FAM53A: variants seen among roughly 807,000 people sequenced by gnomAD.
FAM53A encodes the protein family with sequence similarity 53 member A.
Under a neutral mutation model 26.6 loss-of-function variants are expected in FAM53A, and 28 were observed. The observed-to-expected ratio is 1.05, with a 90% confidence interval of 0.78 to 1.45. FAM53A has a LOEUF of 1.45. Ranked by LOEUF, FAM53A falls within the 40% of genes most tolerant of loss-of-function variation. FAM53A has a pLI of 0.00. For synonymous variants in FAM53A, 290 were observed against 253.1 expected, an observed-to-expected ratio of 1.15 and a Z score of -1.38; for missense variants, 650 against 575.8, an observed-to-expected ratio of 1.13 and a Z score of -1.32.
At chr4:1,642,422 C>T (rs55889674) in intron 4 of FAM53A, among the ~76,000 whole-genome samples, 1 of 151,952 alleles carries the variant, frequency 6.6e-6, no homozygotes, top group African/African-American at 2.4e-5. Context: ...GCCACCACCC[C>T]CTTCTCACTC....
chr4:1,654,973 C>T lies in FAM53A; in HGVS notation c.882+5G>A, dbSNP rs1307799998. On this transcript the variant is annotated splice_donor_5th_base_variant and intron_variant, in intron 4 of 4. Coordinates refer to ENST00000308132, the MANE Select transcript of FAM53A (RefSeq NM_001174070.3). ...TCTGAGCCCCTGGAAATAAGAAAGC[C>T]TCACCTGGGTCATTTTCAGGAAGTC... is the stretch of plus-strand genomic sequence containing the variant. The T allele has an allele frequency of 1.3e-6, 2 of 1,510,778 alleles. No homozygotes were observed. The highest frequency in any genetic ancestry group is 2.9e-5 in the African/African-American group (2 of 70,124). The allele number at this position is 1,510,778 out of a possible 1,614,324, so 93.6% of individuals were successfully genotyped here.
intron 1 of FAM53A, among the ~76,000 whole-genome samples, chr4:1,678,868 C>G (rs1279626734): frequency 6.6e-6 from 1 of 151,830 alleles, no homozygotes; most frequent in Non-Finnish European, 1.5e-5. Flanking sequence ...AAAACTAACT[C>G]AAAATGGATC....
intron 1 of FAM53A, among the ~76,000 whole-genome samples, chr4:1,680,175 C>A (rs1715321708): frequency 6.6e-6 from 1 of 151,452 alleles, no homozygotes; most frequent in Admixed American, 6.6e-5. Flanking sequence ...CAAAATTAGC[C>A]GGGCATGGTG....
rs555520816 is a variant in FAM53A, at chr4:1,651,109, C to T, written c.882+3869G>A. 4.9e-3 allele frequency among the ~76,000 whole-genome samples: 738 copies of T among 151,126 alleles called. 4 individuals carry two copies. Among genetic ancestry groups the T allele is most frequent in the Non-Finnish European group, 5.9e-3 (401 of 67,854 alleles). The stretch of plus-strand genomic sequence containing the variant: ...GTGGGCACCTATAATCCCAGCTACT[C>T]GGGAAGCTGAGGCAGGAGAATCCCT... On this transcript the variant is annotated intron_variant, in intron 4 of 4. Transcript: ENST00000308132.
At chr4:1,676,035 G>C (rs1438844437) in intron 1 of FAM53A, among the ~76,000 whole-genome samples, 2 of 152,262 alleles carry the variant, frequency 1.3e-5, no homozygotes, top group Admixed American at 1.3e-4. Context: ...CACCAAAGCA[G>C]GTTCGATTTT....
intron 1 of FAM53A, among the ~76,000 whole-genome samples, chr4:1,678,258 G>A (rs1391347599): frequency 6.6e-6 from 1 of 152,172 alleles, no homozygotes; most frequent in Non-Finnish European, 1.5e-5. Context: ...TGGGAGCACT[G>A]CTTCAGCCCG....
chr4:1,635,822 G>A (rs1252196798), downstream of FAM53A, among the ~76,000 whole-genome samples: 7 of 143,126 alleles, frequency 4.9e-5, no homozygotes, highest in Non-Finnish European at 1.1e-4. Flanking sequence ...GATAGGACCT[G>A]TATAATACTA....
Position 1,630,387 on chromosome 4 carries a change from A to G in FAM53A, c.432-12276T>C, listed in dbSNP as rs1028434579. ...ACAGCCACAGCCAAGGTCTACACAA[A>G]TGCACGTCGGGGAGTTCCCATCAAA... On this transcript the variant is annotated intron_variant, in intron 1 of 1. Transcript: ENST00000489029. The surrounding 1 kb of genome is among the most constrained non-coding windows in gnomAD (Gnocchi z 4.3). 4.6e-5 allele frequency among the ~76,000 whole-genome samples: 7 copies of G among 152,184 alleles called. No individual in the cohort carries two copies. Among genetic ancestry groups the G allele is most frequent in the Non-Finnish European group, 1.0e-4 (7 of 68,032 alleles).
chr4:1,675,180 T>C (rs1014237790), intron 1 of FAM53A, among the ~76,000 whole-genome samples: 1 of 152,028 alleles, frequency 6.6e-6, no homozygotes, highest in African/African-American at 2.4e-5. Context: ...GGGTTCCAGG[T>C]AGATGTAGAA....
chr4:1,671,046 CCCA>C, intron 1 of FAM53A, among the ~76,000 whole-genome samples: 1 of 150,684 alleles, frequency 6.6e-6, no homozygotes, highest in Non-Finnish European at 1.5e-5. Flanking sequence ...TCACCTCTGT[CCCA>C]GCGTCAGAGC....
chr4:1,619,908 A>G (rs1446788346), intron 1 of FAM53A, among the ~76,000 whole-genome samples: 3 of 152,066 alleles, frequency 2.0e-5, no homozygotes, highest in Non-Finnish European at 4.4e-5. Flanking sequence ...ATTTCCTTAT[A>G]CTTTATTAAA....
the FAM53A span, among the ~76,000 whole-genome samples, chr4:1,607,796 T>G: frequency 6.6e-6 from 1 of 152,072 alleles, no homozygotes; most frequent in African/African-American, 2.4e-5. Flanking sequence ...CAAAATTAGC[T>G]GGGCGTGGAG....
chr4:1,605,992 G>C, the FAM53A span, among the ~76,000 whole-genome samples: 1 of 151,976 alleles, frequency 6.6e-6, no homozygotes, highest in Non-Finnish European at 1.5e-5. This position sits in a 1 kb window ranked among gnomAD's most constrained non-coding sequence, Gnocchi z 5.7. Context: ...GGCCTAGCAG[G>C]GCCTGTGCCA....
In FAM53A at chr4:1,641,304, CG is replaced by C; in HGVS notation, c.1185del (p.Ile395MetfsTer29). The C allele has an allele frequency of 6.2e-7, 1 of 1,612,982 alleles. No homozygotes were observed. Among genetic ancestry groups the C allele is most frequent in the Non-Finnish European group, 8.5e-7 (1 of 1,179,878 alleles). ...RARWELDLEQ[I>X]ENN ...AGCCCCCACCAGCCTCAGTTGTTCTCGATCTGCTCCAGGTCCAGCTCCCAGC... is the reference window on the plus strand; with the variant it reads ...AGCCCCCACCAGCCTCAGTTGTTCTCATCTGCTCCAGGTCCAGCTCCCAGC... On this transcript the variant is annotated frameshift_variant, in exon 5 of 5. Coordinates refer to ENST00000308132, the MANE Select transcript of FAM53A (RefSeq NM_001174070.3). LOFTEE classifies it high-confidence loss of function.
At chr4:1,641,648 A>C (rs1320467219) in intron 4 of FAM53A, 41 bp from the exon 5 acceptor site, 1 of 1,604,842 alleles carries the variant, frequency 6.2e-7, no homozygotes, top group East Asian at 2.2e-5. Flanking sequence ...TTTCTAGCAG[A>C]TCACACAGGA....
chr4:1,683,337 T>C (rs1715585884), intron 1 of FAM53A: 1 of 152,206 alleles, frequency 6.6e-6, no homozygotes, highest in Non-Finnish European at 1.5e-5. Context: ...CAGGAGGGTG[T>C]TTAAAGCAGC....
the FAM53A span, among the ~76,000 whole-genome samples, chr4:1,611,113 C>T: frequency 6.6e-6 from 1 of 152,230 alleles, no homozygotes; most frequent in Non-Finnish European, 1.5e-5. Flanking sequence ...TCTGGGCCAC[C>T]CTGAGGTGCG....
intron 1 of FAM53A, among the ~76,000 whole-genome samples, chr4:1,622,885 C>A (rs1382041906): frequency 6.6e-6 from 1 of 152,214 alleles, no homozygotes; most frequent in Non-Finnish European, 1.5e-5. Flanking sequence ...TAAGTCAGCA[C>A]CAAGGGGAAG....
the FAM53A span, among the ~76,000 whole-genome samples, chr4:1,577,994 C>G: frequency 6.6e-6 from 1 of 152,090 alleles, no homozygotes; most frequent in Non-Finnish European, 1.5e-5. Context: ...CTCCCCATGC[C>G]CTTGACCTGG....
Sources: gnomAD v4.1 joint callset for allele counts (sites outside exome capture counted in the v4.1 genomes callset) on GRCh38, gnomAD v4.1.1 for gene constraint, Gnocchi (gnomAD v3.1) non-coding constraint, MANE v1.5 for transcripts, NCBI Gene and HGNC (gene_info 2026-07-23, HGNC 2026-07-21) for gene names.